C1orf94: variants seen among roughly 807,000 people sequenced by gnomAD.
The protein encoded by C1orf94 is uncharacterized protein C1orf94.
Under a neutral mutation model 53.6 loss-of-function variants are expected in C1orf94, and 45 were observed. The ratio of observed to expected loss-of-function variants is 0.84; its 90% CI spans 0.66 to 1.08. The LOEUF (loss-of-function observed/expected upper bound fraction) is 1.08, where lower values mean the gene tolerates loss of function less well. Ranked by LOEUF, C1orf94 falls within the 50% of genes least tolerant of loss-of-function variation. The pLI is 0.00. For missense variants in C1orf94, 762 were observed against 738.9 expected (o/e 1.03, Z -0.36); for synonymous variants, 304 against 296.1 (o/e 1.03, Z -0.27).
chr1:34,182,979 A>G (rs1362033104), intron 1 of C1orf94, among the ~76,000 whole-genome samples: 1 of 152,256 alleles, frequency 6.6e-6, no homozygotes, highest in African/African-American at 2.4e-5. Context: ...AAAGATCTCC[A>G]GAGCTGGTTT....
chr1:34,185,510 T>C (rs547193517), intron 1 of C1orf94, among the ~76,000 whole-genome samples: 6 of 152,300 alleles, frequency 3.9e-5, no homozygotes, highest in African/African-American at 1.4e-4. Flanking sequence ...CAATGCTGGG[T>C]CTCAGCACCC....
At chr1:34,194,618 T>C (rs1174823739) in intron 1 of C1orf94, among the ~76,000 whole-genome samples, 2 of 152,202 alleles carry the variant, frequency 1.3e-5, no homozygotes, top group African/African-American at 4.8e-5. Flanking sequence ...GATTAACATA[T>C]GGCCAATCTT....
Position 34,200,820 on chromosome 1 carries a change from T to G in C1orf94, c.1058T>G (p.Phe353Cys), listed in dbSNP as rs1642692123. Residue 353 changes from phenylalanine (F) to cysteine (C), a missense_variant, in exon 3 of 7, where the codon TTT becomes TGT. Physicochemically the swap from Phe to Cys is radical, Grantham distance 205 (BLOSUM62 -2). Transcript: ENST00000488417. ...KEPKKGQGSL[F>C]LSQWPQSQKD... is the part of the protein sequence containing the mutation. ...CCAAAAAAGGGTCAAGGGAGCCTCT[T>G]TCTCAGCCAGTGGCCCCAGAGCCAG... 2 of 1,613,994 alleles carry G rather than the reference T, an allele frequency of 1.2e-6. No homozygotes were observed. Among genetic ancestry groups the G allele is most frequent in the South Asian group, 2.2e-5 (2 of 91,068 alleles).
chr1:34,210,894 C>A (rs572528839), intron 5 of C1orf94, among the ~76,000 whole-genome samples: 41 of 152,096 alleles, frequency 2.7e-4, no homozygotes, highest in African/African-American at 9.9e-4. Context: ...ACCTTGTGAT[C>A]CACCCACCTC....
At chr1:34,212,093 T>C (rs1033765096) in intron 5 of C1orf94, 117 bp from the exon 6 acceptor site, 1 of 859,968 alleles carries the variant, frequency 1.2e-6, no homozygotes, top group Admixed American at 3.5e-5. Flanking sequence ...ACATGTTGCC[T>C]TCTGTGTACC....
At chr1:34,169,639 G>GAGAGAGAGAGAGAGAGA (rs1333033191) in intron 1 of C1orf94, among the ~76,000 whole-genome samples, 10 of 142,858 alleles carry the variant, frequency 7.0e-5, no homozygotes, top group Non-Finnish European at 1.1e-4. Context: ...GAGAGAGTGA[G>GAGAGAGAGAGAGAGAGA]CAAATGGGAG....
chr1:34,209,862 T>TATGC (rs1205869942), intron 5 of C1orf94, among the ~76,000 whole-genome samples: 1 of 152,212 alleles, frequency 6.6e-6, no homozygotes, highest in East Asian at 1.9e-4. Context: ...TGTGTATGTG[T>TATGC]ATGCATGCAT....
At chr1:34,216,030 C>T (rs1256650865) in intron 6 of C1orf94, among the ~76,000 whole-genome samples, 3 of 151,906 alleles carry the variant, frequency 2.0e-5, no homozygotes, top group Non-Finnish European at 2.9e-5. Flanking sequence ...ATAAAACAAA[C>T]AAACAAACAA....
intron 4 of C1orf94, among the ~76,000 whole-genome samples, chr1:34,203,241 G>A (rs1391036261): frequency 1.3e-5 from 2 of 152,170 alleles, no homozygotes; most frequent in Non-Finnish European, 2.9e-5. Context: ...AGGTTGAAGC[G>A]ATTCTCCTAC....
intron 1 of C1orf94, among the ~76,000 whole-genome samples, chr1:34,191,844 G>C (rs1642498086): frequency 6.6e-6 from 1 of 152,176 alleles, no homozygotes; most frequent in East Asian, 1.9e-4. Flanking sequence ...TCATTATTCT[G>C]AGAAGGGGTG....
intron 4 of C1orf94, among the ~76,000 whole-genome samples, chr1:34,205,689 A>G (rs1490447065): frequency 6.6e-6 from 1 of 152,204 alleles, no homozygotes; most frequent in African/African-American, 2.4e-5. Context: ...AGAGCTCCAC[A>G]GACCTTGAGG....
rs141813632 is a variant in C1orf94 at position 34,191,989 on chromosome 1, C to T, written c.321-5236C>T. On this transcript the variant is annotated intron_variant, in intron 1 of 6. Transcript: ENST00000488417. ...GATGGGCAAAGCAGAGGTGGCACCG[C>T]GTGGAGCTGGAGCCGCAGAACTGAT... Among the ~76,000 whole-genome samples the T allele has an allele frequency of 4.9e-3, 749 of 152,218 alleles. 4 individuals are homozygous for T. Among genetic ancestry groups the T allele is most frequent in the African/African-American group, 0.017 (708 of 41,532 alleles).
At chr1:34,185,891 C>T (rs1261711611) in intron 1 of C1orf94, among the ~76,000 whole-genome samples, 1 of 152,220 alleles carries the variant, frequency 6.6e-6, no homozygotes, top group African/African-American at 2.4e-5. Flanking sequence ...TGGTCTCCTG[C>T]ACATGCTCTA....
intron 1 of C1orf94, among the ~76,000 whole-genome samples, chr1:34,189,234 G>A (rs1053548616): frequency 6.6e-6 from 1 of 152,074 alleles, no homozygotes; most frequent in African/African-American, 2.4e-5. Context: ...GTGCATGGCT[G>A]TGGTATGTGG....
chr1:34,206,968 G>T (rs1642805369), intron 4 of C1orf94, among the ~76,000 whole-genome samples: 1 of 152,200 alleles, frequency 6.6e-6, no homozygotes, highest in Admixed American at 6.5e-5. Flanking sequence ...GGACCTGGAA[G>T]ATGGAGCAGG....
intron 2 of C1orf94, among the ~76,000 whole-genome samples, chr1:34,198,873 G>A (rs2148618224): frequency 6.6e-6 from 1 of 152,310 alleles, no homozygotes; most frequent in African/African-American, 2.4e-5. Flanking sequence ...AGGATGGGGA[G>A]CTGTAGGAGA....
upstream of C1orf94, among the ~76,000 whole-genome samples, chr1:34,173,150 G>T (rs1278501270): frequency 1.3e-5 from 2 of 152,224 alleles, no homozygotes; most frequent in African/African-American, 4.8e-5. Flanking sequence ...GTAACAATTT[G>T]TAGGTTGGAG....
At chr1:34,181,261 T>C (rs141362843) in intron 1 of C1orf94, among the ~76,000 whole-genome samples, 1 of 152,324 alleles carries the variant, frequency 6.6e-6, no homozygotes, top group African/African-American at 2.4e-5. Flanking sequence ...GTTTTCTAAG[T>C]TTCTCCCCAT....
intron 1 of C1orf94, among the ~76,000 whole-genome samples, chr1:34,187,779 C>T (rs1642408238): frequency 2.4e-5 from 1 of 42,064 alleles, no homozygotes; most frequent in East Asian, 1.2e-3. Context: ...ACCCCCCCCC[C>T]CCCGCCGCCC....
Sources: gnomAD v4.1 joint callset for allele counts (sites outside exome capture counted in the v4.1 genomes callset) on GRCh38, gnomAD v4.1.1 for gene constraint, MANE v1.5 for transcripts, NCBI Gene and HGNC (gene_info 2026-07-23, HGNC 2026-07-21) for gene names.